The following TBC1D5 variants were observed in gnomAD, a reference collection of about 807,000 sequenced individuals.
TBC1D5 encodes the protein TBC1 domain family member 5.
Under a neutral mutation model 100.3 loss-of-function variants are expected in TBC1D5, and 75 were observed. The observed-to-expected ratio is 0.75, with a 90% confidence interval of 0.62 to 0.91. The LOEUF (loss-of-function observed/expected upper bound fraction) is 0.91. Among genes scored for constraint, TBC1D5 ranks in the 40% least tolerant of loss-of-function variants. TBC1D5 has a pLI of 0.00. For synonymous variants in TBC1D5, 323 were observed against 325.6 expected (o/e 0.99, Z 0.09); for missense variants, 910 against 942.4 (o/e 0.97, Z 0.45).
chr3:17,340,119 G>A (rs939212470), intron 13 of TBC1D5, among the ~76,000 whole-genome samples: 1 of 152,176 alleles, frequency 6.6e-6, no homozygotes, highest in Non-Finnish European at 1.5e-5. Flanking sequence ...GAGCTCCCCA[G>A]ATGGAAGTGA....
chr3:17,204,019 C>T (rs1039591051), intron 18 of TBC1D5, among the ~76,000 whole-genome samples: 4 of 152,318 alleles, frequency 2.6e-5, no homozygotes, highest in Admixed American at 2.0e-4. Context: ...CCTTTATCAA[C>T]AGGCCTAGAA....
chr3:17,741,390 A>G (rs2077419151), upstream of TBC1D5, among the ~76,000 whole-genome samples: 1 of 152,210 alleles, frequency 6.6e-6, no homozygotes, highest in Non-Finnish European at 1.5e-5. Context: ...CCAATATATA[A>G]ATGAATTTCT....
At chr3:17,269,469 A>G (rs2079162343) in intron 15 of TBC1D5, among the ~76,000 whole-genome samples, 1 of 152,172 alleles carries the variant, frequency 6.6e-6, no homozygotes, top group African/African-American at 2.4e-5. Context: ...CTGCAGCCAG[A>G]AATTGACTAT....
intron 14 of TBC1D5, among the ~76,000 whole-genome samples, chr3:17,302,475 G>C (rs185188838): frequency 7.9e-5 from 12 of 151,762 alleles, no homozygotes; most frequent in Non-Finnish European, 1.5e-4. Context: ...ATCTTTTGTT[G>C]AGGGGGGGGA....
intron 13 of TBC1D5, among the ~76,000 whole-genome samples, chr3:17,363,257 A>C (rs1362346621): frequency 2.0e-5 from 3 of 152,104 alleles, no homozygotes; most frequent in Non-Finnish European, 4.4e-5. Flanking sequence ...ATGGACTTTT[A>C]TTCTACTGAT....
At chr3:17,401,240 T>C (rs1398438736) in intron 8 of TBC1D5, among the ~76,000 whole-genome samples, 2 of 149,494 alleles carry the variant, frequency 1.3e-5, no homozygotes, top group African/African-American at 2.5e-5. Context: ...CACACACACA[T>C]GTATGTGTAT....
chr3:17,344,682 G>A (rs1179235978), intron 13 of TBC1D5, among the ~76,000 whole-genome samples: 1 of 152,202 alleles, frequency 6.6e-6, no homozygotes, highest in Admixed American at 6.5e-5. Flanking sequence ...CAAGGCTACA[G>A]TAACCAAAGC....
At chr3:17,657,426 T>C (rs1219019450) in intron 1 of TBC1D5, among the ~76,000 whole-genome samples, 1 of 150,392 alleles carries the variant, frequency 6.6e-6, no homozygotes, top group African/African-American at 2.4e-5. Flanking sequence ...ACCTCCACCT[T>C]CCAGGTTCAA....
At chr3:17,708,298 C>T (rs1259970404) in intron 1 of TBC1D5, among the ~76,000 whole-genome samples, 2 of 152,158 alleles carry the variant, frequency 1.3e-5, no homozygotes, top group African/African-American at 2.4e-5. Flanking sequence ...CTACTTTGTT[C>T]CTTTTAACTA....
rs193212739 is a variant in TBC1D5, at chr3:17,603,952, T to G, written c.-36+19897A>C. On this transcript the variant is annotated intron_variant, in intron 2 of 21. Transcript: ENST00000253692. Reference sequence around the variant, plus strand: ...GAGCCACCACGCCCGGCGCTATTCCTTTACTTTTCTTAATATACTTGCTTC... The same window carrying G: ...GAGCCACCACGCCCGGCGCTATTCCGTTACTTTTCTTAATATACTTGCTTC... 1.9e-3 allele frequency among the ~76,000 whole-genome samples: 284 copies of G among 152,244 alleles called. 3 individuals are homozygous for G. The highest frequency in any genetic ancestry group is 6.3e-3 in the African/African-American group (263 of 41,530).
intron 2 of TBC1D5, among the ~76,000 whole-genome samples, chr3:17,592,846 C>T (rs984383616): frequency 6.6e-6 from 1 of 152,182 alleles, no homozygotes; most frequent in South Asian, 2.1e-4. Context: ...TAGATAACTA[C>T]TCTCCTTTTG....
chr3:17,487,652 T>G (rs2095587241), intron 3 of TBC1D5, among the ~76,000 whole-genome samples: 1 of 152,166 alleles, frequency 6.6e-6, no homozygotes, highest in Non-Finnish European at 1.5e-5. Context: ...TAATAATTTG[T>G]AATTTCAAGA....
In TBC1D5 at chr3:17,268,039, T is replaced by C. The variant is rs373569452; in HGVS notation, c.1246-9448A>G. Among the ~76,000 whole-genome samples, 8 of 152,086 alleles carry C rather than the reference T, an allele frequency of 5.3e-5. No homozygotes were observed. In the South Asian group the frequency reaches 1.7e-3, roughly 32 times the overall value. On this transcript the variant is annotated intron_variant, in intron 15 of 21. Coordinates refer to ENST00000253692, the Ensembl canonical transcript of TBC1D5. ...AAATAACACCTAGATTTGAGTTGTA[T>C]TTTCCTGAGTGAGCCTGTTATCTAT...
At chr3:17,342,678 A>G (rs1215639978) in intron 13 of TBC1D5, among the ~76,000 whole-genome samples, 2 of 152,360 alleles carry the variant, frequency 1.3e-5, no homozygotes, top group East Asian at 3.9e-4. Flanking sequence ...GGAAGAAAAA[A>G]AGATACCCCT....
chr3:17,637,083 G>A (rs1259886743), intron 1 of TBC1D5, among the ~76,000 whole-genome samples: 6 of 148,780 alleles, frequency 4.0e-5, no homozygotes, highest in Non-Finnish European at 8.9e-5. Flanking sequence ...GTGCAGTGGC[G>A]TGATCTCAGC....
At chr3:17,267,102 G>A (rs539988853) in intron 15 of TBC1D5, among the ~76,000 whole-genome samples, 4 of 152,148 alleles carry the variant, frequency 2.6e-5, no homozygotes, top group East Asian at 1.9e-4. Flanking sequence ...CCACCTGTGC[G>A]TTATGCTCGA....
chr3:17,256,542 G>T (rs2077699774), intron 16 of TBC1D5, among the ~76,000 whole-genome samples: 1 of 151,480 alleles, frequency 6.6e-6, no homozygotes, highest in Non-Finnish European at 1.5e-5. Context: ...CTAAAGAGAA[G>T]AAAATCATGA....
chr3:17,290,128 G>A lies in TBC1D5; in HGVS notation c.1245+1767C>T, dbSNP rs189897149. On this transcript the variant is annotated intron_variant, in intron 15 of 21. Transcript: ENST00000253692. Reference sequence around the variant, plus strand: ...AATATCAGTTTAAGGTCATTGTACTGATCATGTTTTTACTTGGTAAGACTC... The same window carrying A: ...AATATCAGTTTAAGGTCATTGTACTAATCATGTTTTTACTTGGTAAGACTC... 1.6e-3 allele frequency among the ~76,000 whole-genome samples: 247 copies of A among 152,196 alleles called. 2 individuals are homozygous for A. Among genetic ancestry groups the A allele is most frequent in the African/African-American group, 5.7e-3 (238 of 41,538 alleles).
At chr3:17,251,387 G>A (rs2077156572) in intron 16 of TBC1D5, among the ~76,000 whole-genome samples, 1 of 145,522 alleles carries the variant, frequency 6.9e-6, no homozygotes, top group Admixed American at 7.1e-5. Context: ...AAGAGGGGAA[G>A]TAATGATGAT....
Sources: gnomAD v4.1 joint callset for allele counts (sites outside exome capture counted in the v4.1 genomes callset) on GRCh38, gnomAD v4.1.1 for gene constraint, MANE v1.5 for transcripts, NCBI Gene and HGNC (gene_info 2026-07-23, HGNC 2026-07-21) for gene names.